The following MCU variants were observed in gnomAD, a reference collection of about 807,000 sequenced individuals.
The protein encoded by MCU is mitochondrial calcium uniporter.
In MCU, 12 loss-of-function variants were observed where a neutral mutation model predicts 45.2. The ratio of observed to expected loss-of-function variants is 0.27; its 90% CI spans 0.17 to 0.43. MCU has a LOEUF of 0.43. Among genes scored for constraint, MCU ranks in the 20% least tolerant of loss-of-function variants. MCU has a pLI of 1.00. For synonymous variants in MCU, 160 were observed against 165.1 expected (o/e 0.97, Z 0.24); for missense variants, 324 against 436.7 (o/e 0.74, Z 2.30).
At chr10:72,715,105 T>C in intron 1 of MCU, 2 of 937,564 alleles carry the variant, frequency 2.1e-6, no homozygotes, top group Non-Finnish European at 2.5e-6. Flanking sequence ...TTTTCTATTC[T>C]TTTAGGTCTT....
At chr10:72,724,248 T>C (rs1161781422) in intron 1 of MCU, among the ~76,000 whole-genome samples, 6 of 152,220 alleles carry the variant, frequency 3.9e-5, no homozygotes, top group Non-Finnish European at 7.3e-5. Flanking sequence ...TACTCTCTGC[T>C]TACATCTTTG....
intron 1 of MCU, among the ~76,000 whole-genome samples, chr10:72,815,210 C>A (rs573692390): frequency 6.6e-6 from 1 of 152,298 alleles, no homozygotes; most frequent in East Asian, 1.9e-4. Flanking sequence ...ACAGGAGCAG[C>A]CATACACACT....
intron 1 of MCU, among the ~76,000 whole-genome samples, chr10:72,763,841 T>G (rs1368614658): frequency 1.3e-5 from 2 of 152,170 alleles, no homozygotes; most frequent in Non-Finnish European, 2.9e-5. Context: ...GACTGAGTCA[T>G]ACCATCAGAG....
intron 1 of MCU, among the ~76,000 whole-genome samples, chr10:72,786,182 T>A (rs1178226155): frequency 1.3e-5 from 2 of 152,216 alleles, no homozygotes; most frequent in African/African-American, 4.8e-5. Context: ...GCTAGCTGTT[T>A]GTGGAATTCT....
chr10:72,838,734 G>A (rs771151894), intron 2 of MCU, among the ~76,000 whole-genome samples: 2 of 152,002 alleles, frequency 1.3e-5, no homozygotes, highest in Non-Finnish European at 2.9e-5. Context: ...AATTGTTTGC[G>A]GGCAAATAAT....
At chr10:72,701,565 C>T (rs150217508) in intron 1 of MCU, among the ~76,000 whole-genome samples, 20 of 152,242 alleles carry the variant, frequency 1.3e-4, no homozygotes, top group African/African-American at 4.3e-4. Flanking sequence ...CTTACTCTGT[C>T]GCCCAGGCTG....
chr10:72,835,163 C>T (rs1188070051), intron 2 of MCU, among the ~76,000 whole-genome samples: 2 of 152,224 alleles, frequency 1.3e-5, no homozygotes, highest in African/African-American at 4.8e-5. Flanking sequence ...GACTGCAATA[C>T]TCTTCTTTGA....
intron 1 of MCU, among the ~76,000 whole-genome samples, chr10:72,814,473 T>C (rs1175675278): frequency 6.6e-6 from 1 of 152,116 alleles, no homozygotes; most frequent in Non-Finnish European, 1.5e-5. Context: ...CTTCTTACAA[T>C]GTAATGTGTG....
intron 1 of MCU, among the ~76,000 whole-genome samples, chr10:72,699,606 T>A (rs1181827301): frequency 1.3e-5 from 2 of 151,566 alleles, no homozygotes; most frequent in Non-Finnish European, 2.9e-5. Context: ...TTTTTTTTTT[T>A]TTATTGAGAT....
chr10:72,873,539 C>T (rs537782987), intron 6 of MCU, among the ~76,000 whole-genome samples: 28 of 152,208 alleles, frequency 1.8e-4, no homozygotes, highest in Non-Finnish European at 3.7e-4. Context: ...CAAATGTTTT[C>T]TCCCAGTTCT....
chr10:72,750,678 A>G (rs2132709039), intron 1 of MCU, among the ~76,000 whole-genome samples: 2 of 152,250 alleles, frequency 1.3e-5, no homozygotes, highest in South Asian at 4.1e-4. Context: ...TTTTTGATGT[A>G]CGTGTCTATG....
At chr10:72,810,848 A>G (rs948109014) in intron 1 of MCU, among the ~76,000 whole-genome samples, 3 of 152,082 alleles carry the variant, frequency 2.0e-5, no homozygotes, top group Non-Finnish European at 4.4e-5. Context: ...GAGTTGATGA[A>G]ATAAATTTAC....
intron 1 of MCU, among the ~76,000 whole-genome samples, chr10:72,820,320 ACTCATGAACTTCCCAG>A (rs1182697842): frequency 6.6e-6 from 1 of 152,042 alleles, no homozygotes; most frequent in Non-Finnish European, 1.5e-5. Context: ...CTATTCTCAT[ACTCATGAACTTCCCAG>A]CTTAATTGTT....
At chr10:72,705,262 T>A (rs929529603) in intron 1 of MCU, among the ~76,000 whole-genome samples, 10 of 152,284 alleles carry the variant, frequency 6.6e-5, no homozygotes, top group Admixed American at 5.2e-4. Context: ...TGCAAAAAAA[T>A]TTTTTTATTT....
At chr10:72,766,421 T>C (rs2132729822) in intron 1 of MCU, 1 of 152,300 alleles carries the variant, frequency 6.6e-6, no homozygotes, top group East Asian at 1.9e-4. Flanking sequence ...CTTTATATAT[T>C]GCTAAGTACA....
At chr10:72,862,146 T>C (rs2132872690) in intron 4 of MCU, among the ~76,000 whole-genome samples, 1 of 152,148 alleles carries the variant, frequency 6.6e-6, no homozygotes, top group African/African-American at 2.4e-5. Context: ...CACGCCTGGC[T>C]AATTTTTTGT....
intron 1 of MCU, among the ~76,000 whole-genome samples, chr10:72,717,560 G>C (rs543421618): frequency 6.6e-6 from 1 of 152,048 alleles, no homozygotes; most frequent in Admixed American, 6.6e-5. Context: ...TGCCCAGCCG[G>C]GATTGCTTCT....
At chr10:72,760,276 C>T (rs1843636242) in intron 1 of MCU, among the ~76,000 whole-genome samples, 1 of 151,984 alleles carries the variant, frequency 6.6e-6, no homozygotes, top group South Asian at 2.1e-4. Context: ...CTCTTGAAGT[C>T]CTGGGCTCAA....
At chr10:72,766,129 CA>C (rs1187416958) in intron 1 of MCU, among the ~76,000 whole-genome samples, 1 of 152,146 alleles carries the variant, frequency 6.6e-6, no homozygotes, top group African/African-American at 2.4e-5. Flanking sequence ...TGGCCTTCCA[CA>C]GTGCTGGGAT....
Sources: gnomAD v4.1 joint callset for allele counts (sites outside exome capture counted in the v4.1 genomes callset) on GRCh38, gnomAD v4.1.1 for gene constraint, MANE v1.5 for transcripts, NCBI Gene and HGNC (gene_info 2026-07-23, HGNC 2026-07-21) for gene names.